The following PCLO variants were observed in gnomAD, a reference collection of about 807,000 sequenced individuals.
PCLO encodes the protein protein piccolo.
PCLO carries 82 observed loss-of-function variants against 427.5 expected under a neutral mutation model. The observed-to-expected ratio is 0.19, with a 90% CI of 0.16 to 0.23. PCLO has a LOEUF of 0.23. PCLO is among the 10% of genes least tolerant of loss of function. The pLI, the probability that PCLO is intolerant of heterozygous loss-of-function variation, is 1.00. For missense variants in PCLO, 6,239 were observed against 6,115.9 expected (o/e 1.02, Z -0.67); for synonymous variants, 2,357 against 2,155.4 (o/e 1.09, Z -2.59).
intron 9 of PCLO, among the ~76,000 whole-genome samples, chr7:82,890,585 G>A (rs1412062448): frequency 6.6e-6 from 1 of 151,812 alleles, no homozygotes; most frequent in Admixed American, 6.6e-5. Context: ...TATAGAAGGT[G>A]GACAAATTGT....
chr7:82,993,213 T>C, intron 3 of PCLO, among the ~76,000 whole-genome samples: 1 of 152,034 alleles, frequency 6.6e-6, no homozygotes, highest in African/African-American at 2.4e-5. Context: ...CTAAATTTTT[T>C]CATATGTCTT....
chr7:82,967,403 G>A (rs576665689), intron 3 of PCLO, among the ~76,000 whole-genome samples: 6 of 152,006 alleles, frequency 3.9e-5, no homozygotes, highest in South Asian at 2.1e-4. Flanking sequence ...TTGAACTCCC[G>A]ACCTCAGGTG....
intron 3 of PCLO, among the ~76,000 whole-genome samples, chr7:83,098,533 T>C (rs11984393): frequency 0.46 from 69,712 of 151,884 alleles, 16,417 homozygotes; most frequent in East Asian, 0.71. Context: ...GGAACACTTC[T>C]GAATATTAGA....
At chr7:82,993,446 G>T (rs898148893) in intron 3 of PCLO, among the ~76,000 whole-genome samples, 1 of 151,872 alleles carries the variant, frequency 6.6e-6, no homozygotes, top group African/African-American at 2.4e-5. Flanking sequence ...AAAAAGCCCT[G>T]AATTTGAATT....
rs1037055977 is a variant in PCLO at position 83,154,887 on chromosome 7, G to A, written c.1754C>T (p.Pro585Leu). Reference sequence around the variant, plus strand: ...ATTGCAAAGAGGACAGATGGTTTTAGGGAGGCCTTGTGAAGGAGGCTGTTT... The same window carrying A: ...ATTGCAAAGAGGACAGATGGTTTTAAGGAGGCCTTGTGAAGGAGGCTGTTT... ...SAKQPPSQGLPKTICPLCNTT... is the reference protein window; with the variant it reads ...SAKQPPSQGLLKTICPLCNTT... The change falls in exon 2 of 25, where the codon CCT becomes CTT. Residue 585 changes from proline to leucine, a missense_variant. Pro to Leu is a moderately conservative substitution (Grantham distance 98). Coordinates refer to ENST00000333891, the MANE Select transcript of PCLO (RefSeq NM_033026.6). 6.2e-7 allele frequency: 1 copy of A among 1,614,058 alleles called. No homozygotes were observed. The highest frequency in any genetic ancestry group is 1.7e-5 in the Admixed American group (1 of 60,024).
At chr7:82,769,913 C>G (rs1003464443) in intron 22 of PCLO, among the ~76,000 whole-genome samples, 5 of 152,096 alleles carry the variant, frequency 3.3e-5, no homozygotes, top group Admixed American at 6.6e-5. Context: ...ACCAGGAATT[C>G]TGGCTTCTAG....
chr7:82,881,962 G>A (rs1019839428), intron 9 of PCLO, among the ~76,000 whole-genome samples: 3 of 152,010 alleles, frequency 2.0e-5, no homozygotes, highest in Non-Finnish European at 2.9e-5. Context: ...TTCTCATGTA[G>A]ACAATTAAGT....
chr7:83,081,080 T>C (rs1015432974), intron 3 of PCLO, among the ~76,000 whole-genome samples: 3 of 152,016 alleles, frequency 2.0e-5, no homozygotes, highest in Admixed American at 1.3e-4. Context: ...AGGGGTGGAC[T>C]ACTGTATTAT....
intron 3 of PCLO, among the ~76,000 whole-genome samples, chr7:82,993,610 TA>T (rs72429528): frequency 0.03 from 4,576 of 152,116 alleles, 237 homozygotes; most frequent in African/African-American, 0.1. Context: ...AAGGCATGTA[TA>T]TTTTTTTTAG....
chr7:82,995,448 A>C (rs1379870812), intron 3 of PCLO, among the ~76,000 whole-genome samples: 1 of 151,998 alleles, frequency 6.6e-6, no homozygotes, highest in East Asian at 1.9e-4. Context: ...GTTTTGATAA[A>C]TTGGTGTAAG....
intron 3 of PCLO, among the ~76,000 whole-genome samples, chr7:83,070,871 A>G (rs1789798201): frequency 6.6e-6 from 1 of 152,192 alleles, no homozygotes; most frequent in African/African-American, 2.4e-5. Context: ...CTACTTCCTT[A>G]TTAATTGCTC....
chr7:82,877,811 TCCCGCC>T (rs1302427101), intron 10 of PCLO, among the ~76,000 whole-genome samples: 1 of 151,926 alleles, frequency 6.6e-6, no homozygotes, highest in Non-Finnish European at 1.5e-5. Context: ...GATTACAGGC[TCCCGCC>T]ACCACATCCG....
intron 2 of PCLO, among the ~76,000 whole-genome samples, chr7:83,142,821 T>C (rs1025029997): frequency 6.6e-6 from 1 of 152,122 alleles, no homozygotes; most frequent in Non-Finnish European, 1.5e-5. Context: ...CAGCCCGGCA[T>C]GCTGGCATGT....
intron 22 of PCLO, among the ~76,000 whole-genome samples, chr7:82,793,309 C>T (rs1173318416): frequency 6.6e-6 from 1 of 152,096 alleles, no homozygotes; most frequent in African/African-American, 2.4e-5. Flanking sequence ...AAGGGTAGTA[C>T]CTATGTGTGT....
chr7:82,859,538 G>A (rs893140651), intron 10 of PCLO, among the ~76,000 whole-genome samples: 6 of 152,208 alleles, frequency 3.9e-5, no homozygotes, highest in African/African-American at 1.4e-4. Flanking sequence ...CAGAACCACA[G>A]CATTACTGGG....
rs745635953 is a variant in PCLO, at chr7:82,951,271, T to G, written c.9317A>C (p.Gln3106Pro). The change falls in exon 6 of 25, where the codon CAA (glutamine) becomes CCA (proline). Residue 3106 changes from glutamine (Q) to proline (P), a missense_variant. Around this residue, in one of 5 missense-constraint regions of PCLO, gnomAD observed 4,677 missense variants for 4,468.4 expected, o/e 1.05. Transcript: ENST00000333891. ...TGTGGTGCTGAAAATGGAGCCAGGT[T>G]GTGTGGTGATAGCAAATGTAGAGGG... ...PTPSTFAITT[Q>P]PGSIFSTTVR... 1 of 1,613,406 alleles carries G rather than the reference T, an allele frequency of 6.2e-7. No homozygotes were observed. Among genetic ancestry groups the G allele is most frequent in the African/African-American group, 1.3e-5 (1 of 74,896 alleles).
At position 82,914,708 on chromosome 7, in the gene PCLO, T is replaced by A; in HGVS notation, c.13278A>T (p.Gln4426His). ...RDIAFIMDDF[Q>H]HAMSDSEAYH... ...TACCTTCACTGTCTGACATGGCATG[T>A]TGGAAGTCATCCATGATGAATGCTA... The change falls in exon 7 of 25, where the codon CAA becomes CAT. Residue 4426 changes from glutamine to histidine, a missense_variant. By Grantham distance (24) the Gln-to-His change is conservative. Coordinates refer to ENST00000333891, the MANE Select transcript of PCLO (RefSeq NM_033026.6). The A allele has an allele frequency of 6.2e-7, 1 of 1,613,206 alleles. No individual in the cohort carries two copies. Among genetic ancestry groups the A allele is most frequent in the Non-Finnish European group, 8.5e-7 (1 of 1,179,566 alleles).
At chr7:83,084,801 C>T (rs1790189904) in intron 3 of PCLO, among the ~76,000 whole-genome samples, 1 of 152,126 alleles carries the variant, frequency 6.6e-6, no homozygotes, top group East Asian at 1.9e-4. Flanking sequence ...TTTCAATTAG[C>T]ACCAGGAACA....
intron 4 of PCLO, among the ~76,000 whole-genome samples, chr7:82,961,478 G>C (rs1414870136): frequency 6.6e-6 from 1 of 152,182 alleles, no homozygotes; most frequent in Non-Finnish European, 1.5e-5. Context: ...AGAAGGCTGA[G>C]AAAGCCAACT....
Sources: allele counts gnomAD v4.1 joint callset (sites outside exome capture counted in the v4.1 genomes callset), GRCh38; gene constraint gnomAD v4.1.1; regional missense constraint gnomAD v4.1.1; transcripts MANE v1.5; gene names NCBI Gene and HGNC (gene_info 2026-07-23, HGNC 2026-07-21).